The following USP39 variants were observed in gnomAD, a reference collection of about 807,000 sequenced individuals.
USP39 encodes the protein ubiquitin specific peptidase 39, also known as ubiquitin carboxyl-terminal hydrolase 39.
USP39 carries 38 observed loss-of-function variants against 66.4 expected under a neutral mutation model. The ratio of observed to expected loss-of-function variants is 0.57; its 90% confidence interval spans 0.44 to 0.75. The LOEUF (loss-of-function observed/expected upper bound fraction) is 0.75, where lower values mean the gene tolerates loss of function less well. Ranked by LOEUF, USP39 falls within the 30% of genes least tolerant of loss-of-function variation. USP39 has a pLI of 0.00. For synonymous variants in USP39, 303 were observed against 274.6 expected (o/e 1.10, Z -1.02); for missense variants, 608 against 714.4 (o/e 0.85, Z 1.70).
At chr2:85,611,598 C>T (rs757943944), upstream of USP39, 13 of 1,553,480 alleles carry the variant, frequency 8.4e-6, no homozygotes, top group African/African-American at 4.1e-5. Flanking sequence ...GTGGTTTTTC[C>T]CTATAGAGAA....
At chr2:85,608,987 C>T, upstream of USP39, 1 of 1,614,234 alleles carries the variant, frequency 6.2e-7, no homozygotes, top group Non-Finnish European at 8.5e-7. Context: ...CCTGGATACG[C>T]AACTTGAGGG....
intron 3 of USP39, among the ~76,000 whole-genome samples, chr2:85,622,531 T>G (rs1314425380): frequency 6.6e-6 from 1 of 151,834 alleles, no homozygotes; most frequent in Non-Finnish European, 1.5e-5. Context: ...GGATTATAGA[T>G]GTGAGCCATT....
chr2:85,645,243 C>A, intron 11 of USP39, 160 bp downstream of exon 11: 160 of 780,734 alleles, frequency 2.0e-4, no homozygotes, highest in Non-Finnish European at 2.7e-4. Flanking sequence ...CAGTGGTTCT[C>A]AATTTTGGCT....
At chr2:85,614,419 C>T (rs1017101238), upstream of USP39, among the ~76,000 whole-genome samples, 2 of 152,034 alleles carry the variant, frequency 1.3e-5, no homozygotes, top group African/African-American at 2.4e-5. Context: ...GAGTCTGAGG[C>T]AGGATAATCA....
At chr2:85,609,040 T>C (rs774034423), upstream of USP39, 1 of 1,614,230 alleles carries the variant, frequency 6.2e-7, no homozygotes, top group Non-Finnish European at 8.5e-7. Flanking sequence ...GCCGACACCT[T>C]CTCACTCACC....
At chr2:85,637,296 TA>T in intron 7 of USP39, 72 bp from the exon 8 acceptor site, 1 of 1,545,806 alleles carries the variant, frequency 6.5e-7, no homozygotes, top group Non-Finnish European at 8.9e-7. Flanking sequence ...TTCAGAAATT[TA>T]GAAGCTGGAA....
chr2:85,608,100 G>A (rs997873787), upstream of USP39: 1 of 152,174 alleles, frequency 6.6e-6, no homozygotes, highest in African/African-American at 2.4e-5. Flanking sequence ...TCTGAGCAGA[G>A]GACAGTCTGT....
intron 9 of USP39, among the ~76,000 whole-genome samples, chr2:85,640,619 A>G (rs188603230): frequency 1.6e-5 from 2 of 123,238 alleles, no homozygotes; most frequent in Admixed American, 8.0e-5. Flanking sequence ...ATATATATAT[A>G]TTTTTTTTTT....
chr2:85,613,773 T>A (rs1334735708), upstream of USP39, among the ~76,000 whole-genome samples: 2 of 134,778 alleles, frequency 1.5e-5, no homozygotes, highest in South Asian at 2.2e-4. Flanking sequence ...ATTCTTTAAA[T>A]TTTTTTTTAT....
At chr2:85,634,929 G>A (rs72923064) in intron 6 of USP39, among the ~76,000 whole-genome samples, 11,526 of 152,186 alleles carry the variant, frequency 0.076, 1,468 homozygotes, top group African/African-American at 0.26. Flanking sequence ...AGAAAAACCA[G>A]GGTACCCTGA....
intron 10 of USP39, among the ~76,000 whole-genome samples, chr2:85,641,907 TAAAA>T (rs759697072): frequency 1.1e-4 from 10 of 91,336 alleles, no homozygotes; most frequent in East Asian, 5.7e-4. Flanking sequence ...GTGACTGTGC[TAAAA>T]AAAAAAAAAA....
At chr2:85,613,688 C>T (rs1413469987), upstream of USP39, among the ~76,000 whole-genome samples, 1 of 146,906 alleles carries the variant, frequency 6.8e-6, no homozygotes, top group African/African-American at 2.4e-5. Flanking sequence ...GCAAACTAAT[C>T]TATAGTGACC....
chr2:85,609,059 G>C, upstream of USP39: 1 of 1,614,206 alleles, frequency 6.2e-7, no homozygotes, highest in Non-Finnish European at 8.5e-7. Flanking sequence ...CCTTTCCTGG[G>C]TCATCACCCT....
Position 85,648,790 on chromosome 2 carries a change from CA to C in USP39, c.1682del (p.Asn561ThrfsTer10). ...IWKRRDNDET[N>X]QQGA The stretch of plus-strand genomic sequence containing the variant: ...GGAAGAGGCGAGATAATGATGAAAC[CA>C]ACCAGCAGGGGGCTTGAAGGAGGCG... On this transcript the variant is annotated frameshift_variant, in exon 13 of 13. Coordinates refer to ENST00000323701, the MANE Select transcript of USP39 (RefSeq NM_006590.4). LOFTEE classifies it high-confidence loss of function. The C allele has an allele frequency of 5.6e-6, 9 of 1,614,086 alleles. No individual in the cohort carries two copies. The highest frequency in any genetic ancestry group is 7.6e-6 in the Non-Finnish European group (9 of 1,180,000).
intron 1 of USP39, among the ~76,000 whole-genome samples, chr2:85,604,180 G>A (rs1379170865): frequency 1.3e-5 from 2 of 152,188 alleles, no homozygotes; most frequent in East Asian, 3.9e-4. Flanking sequence ...GGACCCAGTG[G>A]AAAGCAGAAA....
chr2:85,627,885 A>T (rs2104283240), intron 5 of USP39, among the ~76,000 whole-genome samples: 1 of 152,292 alleles, frequency 6.6e-6, no homozygotes, highest in South Asian at 2.1e-4. Context: ...GGTTCGTCTT[A>T]CTGAGCTTTA....
At chr2:85,641,251 G>C (rs1156416785) in intron 10 of USP39, 133 bp downstream of exon 10, 2 of 1,072,084 alleles carry the variant, frequency 1.9e-6, no homozygotes, top group Admixed American at 2.9e-5. Flanking sequence ...CAGTAGATAA[G>C]AGTTTTTATT....
At chr2:85,611,301 G>A, upstream of USP39, 10 of 1,420,492 alleles carry the variant, frequency 7.0e-6, no homozygotes, top group South Asian at 1.5e-5. Context: ...CAGAGAAGCT[G>A]GGGAAAGGCC....
chr2:85,630,819 C>G lies in USP39; in HGVS notation c.822C>G (p.Val274=). 6.2e-7 allele frequency: 1 copy of G among 1,614,136 alleles called. No homozygotes were observed. The highest frequency in any genetic ancestry group is 2.2e-5 in the East Asian group (1 of 44,874). ...CAGGGGATATCATGTTCTTGTTGGT[C>G]CAGCGTTTTGGAGAGCTGATGAGAA... ...RPPGDIMFLL[V]QRFGELMRKL... The change falls in exon 6 of 13, where the codon GTC becomes GTG. Residue 274 remains valine (V), a synonymous_variant. Transcript: ENST00000323701.
Sources: gnomAD v4.1 joint callset for allele counts (sites outside exome capture counted in the v4.1 genomes callset) on GRCh38, gnomAD v4.1.1 for gene constraint, MANE v1.5 for transcripts, NCBI Gene and HGNC (gene_info 2026-07-23, HGNC 2026-07-21) for gene names.